Variants in CDH18 observed in about 807,000 individuals in gnomAD.
CDH18 encodes cadherin-18.
A neutral mutation model predicts 67.9 loss-of-function variants in CDH18; 31 were observed. The observed-to-expected ratio is 0.46, with a 90% CI of 0.34 to 0.62. The LOEUF is 0.62. CDH18 is among the 20% of genes least tolerant of loss of function. CDH18 has a pLI of 0.01. For missense variants in CDH18, 890 were observed against 975.5 expected (o/e 0.91, Z 1.17); for synonymous variants, 362 against 347.2 (o/e 1.04, Z -0.48).
chr5:20,349,310 G>C (rs1050631417), intron 1 of CDH18, among the ~76,000 whole-genome samples: 1 of 152,064 alleles, frequency 6.6e-6, no homozygotes, highest in Non-Finnish European at 1.5e-5. Flanking sequence ...CAAGACAAAA[G>C]ATCGAATTTT....
chr5:19,895,123 G>C (rs1037934262), intron 2 of CDH18, among the ~76,000 whole-genome samples: 1 of 152,072 alleles, frequency 6.6e-6, no homozygotes. Flanking sequence ...CTGGGATAGA[G>C]GCATGTTGGC....
intron 5 of CDH18, among the ~76,000 whole-genome samples, chr5:19,628,787 A>G (rs1751955832): frequency 6.6e-6 from 1 of 152,148 alleles, no homozygotes. Flanking sequence ...CAGCATAAAG[A>G]TACTACTTAA....
chr5:20,277,540 A>G (rs924361639), intron 1 of CDH18, among the ~76,000 whole-genome samples: 1 of 152,094 alleles, frequency 6.6e-6, no homozygotes, highest in South Asian at 2.1e-4. Context: ...AAGCCTTTCT[A>G]AGAAGAATGA....
intron 2 of CDH18, among the ~76,000 whole-genome samples, chr5:20,143,781 G>T (rs1455820166): frequency 6.6e-6 from 1 of 152,172 alleles, no homozygotes; most frequent in East Asian, 1.9e-4. Flanking sequence ...TAAGCAAGAA[G>T]AAATTAGCAC....
intron 1 of CDH18, among the ~76,000 whole-genome samples, chr5:20,566,106 A>G (rs1242584804): frequency 6.6e-6 from 1 of 152,136 alleles, no homozygotes; most frequent in East Asian, 1.9e-4. Context: ...GACTCTAATT[A>G]GTAAAGTCAG....
intron 5 of CDH18, among the ~76,000 whole-genome samples, chr5:19,632,890 T>C (rs1561508726): frequency 6.6e-6 from 1 of 152,132 alleles, no homozygotes; most frequent in Non-Finnish European, 1.5e-5. Context: ...CATCACCCCA[T>C]GCTCTTGTTT....
chr5:19,572,774 G>A (rs543812108), intron 7 of CDH18, among the ~76,000 whole-genome samples: 1 of 152,232 alleles, frequency 6.6e-6, no homozygotes, highest in African/African-American at 2.4e-5. Flanking sequence ...CTGGGGATTA[G>A]ATTTCAACAT....
At chr5:20,283,530 GAA>G (rs35902511) in intron 1 of CDH18, among the ~76,000 whole-genome samples, 2 of 149,594 alleles carry the variant, frequency 1.3e-5, no homozygotes, top group African/African-American at 4.9e-5. Context: ...CAGAGAAATG[GAA>G]AAAAAAAACT....
intron 1 of CDH18, among the ~76,000 whole-genome samples, chr5:20,321,241 A>G (rs1023824899): frequency 6.6e-6 from 1 of 152,046 alleles, no homozygotes; most frequent in Non-Finnish European, 1.5e-5. Flanking sequence ...GCCTGGTACC[A>G]TCAGCTGCTT....
At chr5:19,673,876 G>C (rs1759098451) in intron 5 of CDH18, among the ~76,000 whole-genome samples, 1 of 152,036 alleles carries the variant, frequency 6.6e-6, no homozygotes, top group South Asian at 2.1e-4. Context: ...AGTTGACCTA[G>C]CCTGAAAGTG....
chr5:20,393,814 A>G (rs1050047869), intron 1 of CDH18, among the ~76,000 whole-genome samples: 6 of 152,136 alleles, frequency 3.9e-5, no homozygotes, highest in African/African-American at 1.4e-4. Flanking sequence ...AAAACAATAC[A>G]ATACAATTCA....
intron 2 of CDH18, among the ~76,000 whole-genome samples, chr5:20,070,218 C>T (rs1044787910): frequency 3.3e-5 from 5 of 152,080 alleles, no homozygotes; most frequent in African/African-American, 1.2e-4. Flanking sequence ...CTTTTTATGG[C>T]TTGATAATTT....
chr5:19,688,887 C>T (rs1761478800), intron 5 of CDH18, among the ~76,000 whole-genome samples: 1 of 151,824 alleles, frequency 6.6e-6, no homozygotes, highest in Admixed American at 6.6e-5. Flanking sequence ...GAATTTAATA[C>T]ATGAAACAAA....
chr5:19,837,741 C>G (rs2150020852), intron 3 of CDH18, among the ~76,000 whole-genome samples: 1 of 152,078 alleles, frequency 6.6e-6, no homozygotes, highest in South Asian at 2.1e-4. Flanking sequence ...AGGGAAGCGC[C>G]ACGGCTTAGA....
At chr5:19,720,815 G>C (rs1461267973) in intron 5 of CDH18, among the ~76,000 whole-genome samples, 1 of 151,848 alleles carries the variant, frequency 6.6e-6, no homozygotes, top group South Asian at 2.1e-4. Context: ...CAATATTTGA[G>C]GGCTGAATAA....
Position 20,421,366 on chromosome 5 carries a change from GT to G in CDH18, c.-580+154095del, listed in dbSNP as rs58998709. The stretch of plus-strand genomic sequence containing the variant: ...TGACGATTGAGAAAACAATCACTTG[GT>G]TTTTTTTTTTATGCTCTTTCAGATG... On this transcript the variant is annotated intron_variant, in intron 1 of 14. Coordinates refer to the CDH18 transcript ENST00000507958. Among the ~76,000 whole-genome samples, 35 of 146,498 alleles carry G rather than the reference GT, an allele frequency of 2.4e-4. 1 individual carries two copies. Among genetic ancestry groups the G allele is most frequent in the South Asian group, 1.5e-3 (7 of 4,704 alleles).
intron 2 of CDH18, among the ~76,000 whole-genome samples, chr5:20,039,028 C>T (rs1352986944): frequency 6.6e-6 from 1 of 152,152 alleles, no homozygotes; most frequent in Non-Finnish European, 1.5e-5. Context: ...GTAAAAATCA[C>T]AAGCATTCCT....
intron 2 of CDH18, among the ~76,000 whole-genome samples, chr5:20,171,165 G>T (rs571708814): frequency 7.2e-5 from 11 of 152,074 alleles, no homozygotes; most frequent in African/African-American, 2.4e-4. Context: ...TGTGAATAGT[G>T]CTGCAATATA....
chr5:19,587,916 A>G (rs1744449288), intron 7 of CDH18, among the ~76,000 whole-genome samples: 1 of 152,072 alleles, frequency 6.6e-6, no homozygotes, highest in Non-Finnish European at 1.5e-5. Flanking sequence ...CTTCCTATCC[A>G]TGAGCATGGA....
Sources: allele counts gnomAD v4.1 joint callset (sites outside exome capture counted in the v4.1 genomes callset), GRCh38; gene constraint gnomAD v4.1.1; transcripts MANE v1.5; gene names NCBI Gene and HGNC (gene_info 2026-07-23, HGNC 2026-07-21).